Variants in KMT2E observed in about 807,000 individuals in gnomAD.
The protein encoded by KMT2E is histone reader KMT2E.
KMT2E carries 30 observed loss-of-function variants against 184.6 expected under a neutral mutation model. The ratio of observed to expected loss-of-function variants is 0.16; its 90% confidence interval spans 0.12 to 0.22. The LOEUF (loss-of-function observed/expected upper bound fraction) is 0.22, where lower values mean the gene tolerates loss of function less well. KMT2E is among the 10% of genes least tolerant of loss of function. The pLI is 1.00. For missense variants in KMT2E, 2,023 were observed against 2,237.4 expected (o/e 0.90, Z 1.93); for synonymous variants, 815 against 776.5 (o/e 1.05, Z -0.82).
chr7:105,110,935 A>G (rs964699414), intron 26 of KMT2E, 67 bp downstream of exon 26: 14 of 1,074,788 alleles, frequency 1.3e-5, no homozygotes, highest in Admixed American at 1.2e-4. Context: ...GCTGATGGTT[A>G]TAATATGCAG....
chr7:105,095,693 A>T (rs975996899), intron 15 of KMT2E, among the ~76,000 whole-genome samples: 3 of 152,158 alleles, frequency 2.0e-5, no homozygotes, highest in African/African-American at 7.2e-5. Context: ...TGGCTAAGTT[A>T]TGTGGAACTG....
chr7:105,076,189 C>T, intron 9 of KMT2E, 108 bp downstream of exon 9: 1 of 765,644 alleles, frequency 1.3e-6, no homozygotes. Context: ...TGTGTCATGT[C>T]TTTGCCTATT....
intron 17 of KMT2E, chr7:105,104,487 A>G (rs994950473): frequency 6.6e-6 from 1 of 152,094 alleles, no homozygotes; most frequent in African/African-American, 2.4e-5. Context: ...CAGGAGTTCA[A>G]AACCAGCCTG....
chr7:105,041,856 A>G (rs1795897044), intron 3 of KMT2E, among the ~76,000 whole-genome samples: 1 of 152,154 alleles, frequency 6.6e-6, no homozygotes, highest in Non-Finnish European at 1.5e-5. Flanking sequence ...ACTATGAAGA[A>G]ACTATTTTTT....
rs760869467 is a variant in KMT2E at position 105,105,860 on chromosome 7, G to A, written c.2453G>A (p.Arg818Gln). Reference protein sequence around the residue: ...TENISGSCKKRWLKQALEEEN... With the variant: ...TENISGSCKKQWLKQALEEEN... ...ATTCATGTATTCTGTTTTATTCAGC[G>A]ATGGTTGAAACAAGCTCTGGAAGAA... The change falls in exon 19 of 27, where the codon CGA becomes CAA. Residue 818 changes from arginine (R) to glutamine (Q), a missense_variant and splice_region_variant. This residue lies in a region of KMT2E where 514 missense variants were observed against 621.8 expected (regional missense o/e 0.83). Coordinates refer to ENST00000311117, the MANE Select transcript of KMT2E (RefSeq NM_182931.3). The A allele has an allele frequency of 3.1e-6, 5 of 1,610,456 alleles. No homozygotes were observed. The highest frequency in any genetic ancestry group is 2.7e-5 in the African/African-American group (2 of 74,524).
intron 1 of KMT2E, among the ~76,000 whole-genome samples, chr7:105,028,706 G>A (rs1482767292): frequency 1.3e-5 from 2 of 151,672 alleles, no homozygotes; most frequent in African/African-American, 4.8e-5. Context: ...ATTTCACCAT[G>A]TTGTCCAGGG....
intron 15 of KMT2E, among the ~76,000 whole-genome samples, chr7:105,096,241 A>G (rs1367663377): frequency 5.3e-5 from 7 of 131,096 alleles, no homozygotes; most frequent in Admixed American, 3.0e-4. Context: ...GTGACAGTGA[A>G]AGGCTCAAAA....
At chr7:105,099,703 T>C (rs1239528519) in intron 15 of KMT2E, among the ~76,000 whole-genome samples, 1 of 152,218 alleles carries the variant, frequency 6.6e-6, no homozygotes, top group African/African-American at 2.4e-5. Flanking sequence ...TTTTTTATTT[T>C]ACACATACAA....
chr7:105,092,695 A>G (rs1248541427), intron 15 of KMT2E, among the ~76,000 whole-genome samples: 3 of 152,210 alleles, frequency 2.0e-5, no homozygotes, highest in Non-Finnish European at 4.4e-5. Flanking sequence ...TGCCTTTTCA[A>G]GTTACCTATG....
In KMT2E at chr7:105,025,583, T is replaced by C. The variant is rs1364541902; in HGVS notation, c.-189+11048T>C. Among the ~76,000 whole-genome samples, 5 of 152,310 alleles carry C rather than the reference T, an allele frequency of 3.3e-5. No homozygotes were observed. In the East Asian group the frequency reaches 9.6e-4, roughly 29 times the overall value. On this transcript the variant is annotated intron_variant, in intron 1 of 26. Coordinates refer to ENST00000311117, the MANE Select transcript of KMT2E (RefSeq NM_182931.3). Reference sequence around the variant, plus strand: ...CTTCTTTTAAAAATACTAATGTCCATGTATGTTGAATGAATGTAAACTACT... The same window carrying C: ...CTTCTTTTAAAAATACTAATGTCCACGTATGTTGAATGAATGTAAACTACT...
intron 1 of KMT2E, among the ~76,000 whole-genome samples, chr7:105,015,016 T>C (rs1243833741): frequency 6.6e-6 from 1 of 152,064 alleles, no homozygotes; most frequent in African/African-American, 2.4e-5. Flanking sequence ...AATGTGCACA[T>C]GAATACGAAG....
Position 105,112,921 on chromosome 7 carries a change from C to T in KMT2E, c.5165C>T (p.Pro1722Leu), listed in dbSNP as rs1799387754. The T allele has an allele frequency of 6.2e-7, 1 of 1,613,838 alleles. No homozygotes were observed. The highest frequency in any genetic ancestry group is 8.5e-7 in the Non-Finnish European group (1 of 1,179,964). Residue 1722 changes from proline to leucine, a missense_variant, in exon 27 of 27, where the codon CCA (proline) becomes CTA (leucine). By Grantham distance (98) the Pro-to-Leu change is moderately conservative (BLOSUM62 -3). Coordinates refer to ENST00000311117, the MANE Select transcript of KMT2E (RefSeq NM_182931.3). Reference sequence around the variant, plus strand: ...GCACCCCCACCACCCCCTCCGCCGCCACCTTCCAGTGTTTTGGCTTCTGGG... The same window carrying T: ...GCACCCCCACCACCCCCTCCGCCGCTACCTTCCAGTGTTTTGGCTTCTGGG... Reference protein sequence around the residue: ...NSAPPPPPPPPPSSVLASGHH... With the variant: ...NSAPPPPPPPLPSSVLASGHH...
chr7:105,085,064 G>T, intron 13 of KMT2E, among the ~76,000 whole-genome samples: 1 of 150,800 alleles, frequency 6.6e-6, no homozygotes, highest in African/African-American at 2.4e-5. Flanking sequence ...ATATTTCTAG[G>T]CTATATAGTT....
intron 1 of KMT2E, among the ~76,000 whole-genome samples, chr7:105,037,521 TC>T (rs1319837678): frequency 6.6e-6 from 1 of 151,880 alleles, no homozygotes; most frequent in African/African-American, 2.4e-5. Context: ...CATCACCACA[TC>T]CAGCTAGTTT....
intron 3 of KMT2E, among the ~76,000 whole-genome samples, chr7:105,053,015 C>T (rs911315650): frequency 6.6e-5 from 10 of 152,238 alleles, no homozygotes; most frequent in African/African-American, 2.4e-4. Context: ...ATAGCCTCTT[C>T]ATTGTAGAAA....
At chr7:105,075,541 A>C (rs185951183) in intron 8 of KMT2E, among the ~76,000 whole-genome samples, 1 of 152,192 alleles carries the variant, frequency 6.6e-6, no homozygotes, top group Non-Finnish European at 1.5e-5. Flanking sequence ...CACTTCAACA[A>C]AATTATATGT....
At chr7:105,093,956 AAG>A (rs1160148052) in intron 15 of KMT2E, among the ~76,000 whole-genome samples, 5 of 152,192 alleles carry the variant, frequency 3.3e-5, no homozygotes, top group African/African-American at 4.8e-5. Flanking sequence ...GGTATTTCGA[AAG>A]GATATGAAAT....
intron 1 of KMT2E, among the ~76,000 whole-genome samples, chr7:105,026,905 A>G (rs144556224): frequency 9.3e-4 from 141 of 152,276 alleles, no homozygotes; most frequent in African/African-American, 3.3e-3. Flanking sequence ...TACCTCCTAA[A>G]GTAAATAGTT....
In KMT2E at chr7:105,112,873, A is replaced by C. The variant is rs1205601011; in HGVS notation, c.5117A>C (p.Gln1706Pro). 1 of 1,606,084 alleles carries C rather than the reference A, an allele frequency of 6.2e-7. No homozygotes were observed. The highest frequency in any genetic ancestry group is 1.4e-5 in the African/African-American group (1 of 72,204). The change falls in exon 27 of 27, where the codon CAA (glutamine) becomes CCA (proline). Residue 1706 changes from glutamine to proline, a missense_variant. Transcript: ENST00000311117. The part of the protein sequence containing the change: ...PSTGLQGLQA[Q>P]HQHVVNSAPP... ...ACAGGACTCCAAGGTCTACAAGCAC[A>C]ACACCAGCATGTTGTAAATTCAGCA...
Sources: gnomAD v4.1 joint callset for allele counts (sites outside exome capture counted in the v4.1 genomes callset) on GRCh38, gnomAD v4.1.1 for gene constraint, gnomAD v4.1.1 regional missense constraint, MANE v1.5 for transcripts, NCBI Gene and HGNC (gene_info 2026-07-23, HGNC 2026-07-21) for gene names.